OPCML: variants seen among roughly 807,000 people sequenced by gnomAD.
The protein encoded by OPCML is opioid-binding protein/cell adhesion molecule.
A neutral mutation model predicts 37.8 loss-of-function variants in OPCML; 13 were observed. That is an observed-to-expected ratio of 0.34 (90% CI 0.22 to 0.55). The LOEUF is 0.55. OPCML is among the 20% of genes least tolerant of loss of function. The pLI, the probability that OPCML is intolerant of heterozygous loss-of-function variation, is 0.91. For synonymous variants in OPCML, 176 were observed against 168.8 expected (o/e 1.04, Z -0.33); for missense variants, 341 against 435.6 (o/e 0.78, Z 1.93).
At chr11:132,855,731 C>T (rs544757582) in intron 2 of OPCML, among the ~76,000 whole-genome samples, 1 of 152,288 alleles carries the variant, frequency 6.6e-6, no homozygotes, top group Admixed American at 6.5e-5. Flanking sequence ...GCAGAACCAC[C>T]AACCTAATCC....
chr11:133,396,319 C>T (rs995112642), intron 1 of OPCML, among the ~76,000 whole-genome samples: 1 of 152,000 alleles, frequency 6.6e-6, no homozygotes, highest in Non-Finnish European at 1.5e-5. Flanking sequence ...TTAGCTTTTA[C>T]CAAATATAAG....
intron 3 of OPCML, among the ~76,000 whole-genome samples, chr11:132,654,952 G>T (rs1373524253): frequency 6.6e-6 from 1 of 151,128 alleles, no homozygotes; most frequent in Non-Finnish European, 1.5e-5. Flanking sequence ...TGAAATAGAT[G>T]CCATGCTGTC....
At chr11:132,450,042 G>A (rs892911326) in intron 4 of OPCML, among the ~76,000 whole-genome samples, 6 of 152,124 alleles carry the variant, frequency 3.9e-5, no homozygotes, top group African/African-American at 1.2e-4. Flanking sequence ...ATGGAGCCTT[G>A]AGCATGCTGT....
At chr11:133,478,258 T>A (rs111410073) in intron 1 of OPCML, among the ~76,000 whole-genome samples, 5 of 152,270 alleles carry the variant, frequency 3.3e-5, no homozygotes, top group African/African-American at 1.2e-4. Flanking sequence ...TCTCCCAGCA[T>A]CACAATCTTA....
chr11:132,883,372 G>A (rs1943289549), intron 2 of OPCML, among the ~76,000 whole-genome samples: 1 of 152,108 alleles, frequency 6.6e-6, no homozygotes, highest in Admixed American at 6.6e-5. Context: ...GGTGAATTAG[G>A]AACACACCCG....
chr11:132,714,977 C>T (rs1013441524), intron 2 of OPCML, among the ~76,000 whole-genome samples: 19 of 152,100 alleles, frequency 1.2e-4, no homozygotes, highest in African/African-American at 1.9e-4. Context: ...ATGGGAAAGG[C>T]AGAGGTTTCA....
At chr11:133,454,599 A>T (rs1946640038) in intron 1 of OPCML, among the ~76,000 whole-genome samples, 1 of 152,228 alleles carries the variant, frequency 6.6e-6, no homozygotes. Context: ...ATTTGTCTTA[A>T]ATAAGATGCT....
chr11:132,682,156 G>GC (rs1222609721), intron 2 of OPCML, among the ~76,000 whole-genome samples: 1 of 152,088 alleles, frequency 6.6e-6, no homozygotes, highest in Admixed American at 6.5e-5. Context: ...CCACGCTCCT[G>GC]CACCCTCTCA....
intron 1 of OPCML, among the ~76,000 whole-genome samples, chr11:133,033,600 T>C (rs1947712478): frequency 6.6e-6 from 1 of 152,252 alleles, no homozygotes; most frequent in Admixed American, 6.5e-5. Flanking sequence ...ACTTTGTTGG[T>C]CTTTATATAA....
chr11:132,996,046 G>T (rs543745430), intron 1 of OPCML, among the ~76,000 whole-genome samples: 85 of 152,060 alleles, frequency 5.6e-4, no homozygotes, highest in Non-Finnish European at 1.0e-3. Context: ...GCCATCCATG[G>T]GTCTTGCTCG....
intron 3 of OPCML, among the ~76,000 whole-genome samples, chr11:132,594,510 A>G (rs2096489498): frequency 6.6e-6 from 1 of 152,170 alleles, no homozygotes; most frequent in Non-Finnish European, 1.5e-5. Context: ...TAAAATTACC[A>G]TTTACATTCA....
At chr11:132,997,717 G>A (rs182274070) in intron 1 of OPCML, among the ~76,000 whole-genome samples, 1 of 152,196 alleles carries the variant, frequency 6.6e-6, no homozygotes, top group African/African-American at 2.4e-5. Context: ...GCATCACATT[G>A]CATCTTATTT....
chr11:132,742,423 C>T (rs1444389713), intron 2 of OPCML, among the ~76,000 whole-genome samples: 1 of 152,124 alleles, frequency 6.6e-6, no homozygotes, highest in African/African-American at 2.4e-5. Flanking sequence ...ATCATGCAAG[C>T]ACATAGCCAA....
chr11:132,994,607 C>T (rs1946848670), intron 1 of OPCML, among the ~76,000 whole-genome samples: 1 of 152,122 alleles, frequency 6.6e-6, no homozygotes, highest in Non-Finnish European at 1.5e-5. Context: ...CCTCATGGCC[C>T]CAGGGGACAC....
intron 2 of OPCML, among the ~76,000 whole-genome samples, chr11:132,843,588 G>A (rs973903687): frequency 2.0e-5 from 3 of 146,908 alleles, no homozygotes; most frequent in Non-Finnish European, 4.5e-5. Flanking sequence ...TGTATCCTTG[G>A]CATCTGAAAC....
intron 3 of OPCML, among the ~76,000 whole-genome samples, chr11:132,619,191 C>G (rs1939242752): frequency 6.6e-6 from 1 of 152,130 alleles, no homozygotes; most frequent in African/African-American, 2.4e-5. Context: ...CAAGCTCTGT[C>G]GCTTCCTCAG....
At chr11:133,310,332 A>G (rs1943037926) in intron 1 of OPCML, among the ~76,000 whole-genome samples, 1 of 152,178 alleles carries the variant, frequency 6.6e-6, no homozygotes, top group African/African-American at 2.4e-5. Flanking sequence ...TGGGGATTAT[A>G]TGGAAGTTTC....
At chr11:133,499,011 T>C (rs1274860548) in intron 1 of OPCML, among the ~76,000 whole-genome samples, 2 of 152,108 alleles carry the variant, frequency 1.3e-5, no homozygotes, top group African/African-American at 4.8e-5. Context: ...AGTCCACAAA[T>C]CCCAAGCCTG....
intron 1 of OPCML, chr11:133,026,141 C>A: frequency 6.3e-6 from 6 of 949,088 alleles, no homozygotes; most frequent in Non-Finnish European, 6.3e-6. Context: ...TTAGAAAACA[C>A]CACCCATCTG....
Sources: allele counts gnomAD v4.1 joint callset (sites outside exome capture counted in the v4.1 genomes callset), GRCh38; gene constraint gnomAD v4.1.1; transcripts MANE v1.5; gene names NCBI Gene and HGNC (gene_info 2026-07-23, HGNC 2026-07-21).